EML6: variants seen among roughly 807,000 people sequenced by gnomAD.
The protein encoded by EML6 is echinoderm microtubule-associated protein-like 6.
Under a neutral mutation model 240.1 loss-of-function variants are expected in EML6, and 154 were observed. The ratio of observed to expected loss-of-function variants is 0.64; its 90% CI spans 0.56 to 0.73. EML6 has a LOEUF of 0.73. Among genes scored for constraint, EML6 ranks in the 30% least tolerant of loss-of-function variants. EML6 has a pLI of 0.00. For synonymous variants in EML6, 1,148 were observed against 899.0 expected, an observed-to-expected ratio of 1.28 and a Z score of -4.95; for missense variants, 2,964 against 2,474.6, an observed-to-expected ratio of 1.20 and a Z score of -4.20.
intron 25 of EML6, among the ~76,000 whole-genome samples, chr2:54,912,298 T>A (rs887662735): frequency 1.4e-4 from 21 of 152,362 alleles, no homozygotes; most frequent in African/African-American, 4.8e-4. Flanking sequence ...TCTTTTTAAC[T>A]TTTTTATATG....
chr2:54,856,830 G>T (rs1421107063), intron 11 of EML6, among the ~76,000 whole-genome samples: 2 of 152,172 alleles, frequency 1.3e-5, no homozygotes, highest in Non-Finnish European at 2.9e-5. Context: ...AGACTGTTTT[G>T]ATATTTTGTG....
chr2:54,744,136 G>A (rs187526553), intron 2 of EML6, among the ~76,000 whole-genome samples: 27 of 148,194 alleles, frequency 1.8e-4, no homozygotes, highest in Non-Finnish European at 3.3e-4. Flanking sequence ...GTTGTGGGGG[G>A]TGGGGGGAAT....
At chr2:54,767,713 A>G (rs1182207441) in intron 2 of EML6, among the ~76,000 whole-genome samples, 1 of 151,844 alleles carries the variant, frequency 6.6e-6, no homozygotes, top group African/African-American at 2.4e-5. Flanking sequence ...GGGTCTCATT[A>G]TATTGCCCAG....
chr2:54,789,676 T>C (rs1421476166), intron 2 of EML6, among the ~76,000 whole-genome samples: 1 of 152,214 alleles, frequency 6.6e-6, no homozygotes, highest in Non-Finnish European at 1.5e-5. Flanking sequence ...TTGGATGCTT[T>C]ACAAACTCTA....
At chr2:54,938,874 A>T (rs1401811846) in intron 28 of EML6, among the ~76,000 whole-genome samples, 3 of 151,992 alleles carry the variant, frequency 2.0e-5, no homozygotes, top group Non-Finnish European at 4.4e-5. Flanking sequence ...GTATTATCTC[A>T]TTTCTGTTGG....
intron 15 of EML6, among the ~76,000 whole-genome samples, chr2:54,871,033 C>T (rs1005199289): frequency 1.2e-4 from 19 of 152,116 alleles, no homozygotes; most frequent in African/African-American, 4.6e-4. Flanking sequence ...ATAGTTATGC[C>T]ATGAAAATGT....
intron 2 of EML6, among the ~76,000 whole-genome samples, chr2:54,783,859 C>T (rs945231473): frequency 6.6e-6 from 1 of 152,096 alleles, no homozygotes; most frequent in Non-Finnish European, 1.5e-5. Context: ...TCTATTTTCT[C>T]TCATGTTAAT....
chr2:54,889,143 T>C (rs78473484), intron 17 of EML6, among the ~76,000 whole-genome samples: 6 of 152,208 alleles, frequency 3.9e-5, no homozygotes, highest in African/African-American at 1.4e-4. Context: ...TTTTCTGTTT[T>C]GCCATTTGTC....
At chr2:54,855,662 A>T (rs1670336767) in intron 11 of EML6, among the ~76,000 whole-genome samples, 1 of 152,180 alleles carries the variant, frequency 6.6e-6, no homozygotes, top group Admixed American at 6.5e-5. Flanking sequence ...GTATGGTGAG[A>T]AGTAGCAAAA....
chr2:54,969,692 T>G (rs189350405), intron 41 of EML6, among the ~76,000 whole-genome samples: 3 of 152,234 alleles, frequency 2.0e-5, no homozygotes, highest in Non-Finnish European at 4.4e-5. Context: ...TTTGTAGGCA[T>G]GGGAGCATGC....
At chr2:54,938,917 C>G (rs1675287269) in intron 28 of EML6, among the ~76,000 whole-genome samples, 1 of 152,184 alleles carries the variant, frequency 6.6e-6, no homozygotes, top group Non-Finnish European at 1.5e-5. Context: ...AAGAACTGAA[C>G]AATCACAGGC....
At chr2:54,742,518 G>A (rs959857702) in intron 2 of EML6, among the ~76,000 whole-genome samples, 4 of 152,108 alleles carry the variant, frequency 2.6e-5, no homozygotes, top group Non-Finnish European at 4.4e-5. Context: ...CATTTTCTCC[G>A]TCTCTTAAAC....
At chr2:54,831,717 T>C (rs1439741814) in intron 7 of EML6, among the ~76,000 whole-genome samples, 2 of 152,150 alleles carry the variant, frequency 1.3e-5, no homozygotes, top group Non-Finnish European at 1.5e-5. Context: ...CTGCATTTTG[T>C]AGGGAGAAAC....
intron 7 of EML6, among the ~76,000 whole-genome samples, chr2:54,829,921 CTT>C (rs1183189027): frequency 6.6e-6 from 1 of 152,176 alleles, no homozygotes; most frequent in Non-Finnish European, 1.5e-5. Flanking sequence ...GGTTCAAACT[CTT>C]TTTACCTATG....
chr2:54,953,878 C>G, intron 31 of EML6, 105 bp from the exon 32 acceptor site: 1 of 940,322 alleles, frequency 1.1e-6, no homozygotes, highest in Non-Finnish European at 1.5e-6. Context: ...CAGAGCAAGA[C>G]TCTGTCTAAA....
chr2:54,853,192 C>A (rs557932956), intron 10 of EML6, among the ~76,000 whole-genome samples: 31 of 152,004 alleles, frequency 2.0e-4, no homozygotes, highest in Non-Finnish European at 4.6e-4. Context: ...CCTGGCAAAG[C>A]GTTGGTGACT....
chr2:54,926,600 G>T (rs1001485261), intron 26 of EML6, among the ~76,000 whole-genome samples: 2 of 152,220 alleles, frequency 1.3e-5, no homozygotes, highest in Non-Finnish European at 2.9e-5. Context: ...ATACATCCCT[G>T]CCAGTGTCTT....
intron 28 of EML6, among the ~76,000 whole-genome samples, chr2:54,947,263 A>G (rs1473365797): frequency 1.3e-5 from 2 of 152,198 alleles, no homozygotes; most frequent in Non-Finnish European, 2.9e-5. Flanking sequence ...GGAAGCGATA[A>G]TTAATGTGAA....
intron 2 of EML6, among the ~76,000 whole-genome samples, chr2:54,787,625 A>T (rs1256595776): frequency 6.6e-6 from 1 of 152,248 alleles, no homozygotes; most frequent in Admixed American, 6.5e-5. Context: ...AATGATTAAT[A>T]AATGCTTATG....
Sources: allele counts gnomAD v4.1 joint callset (sites outside exome capture counted in the v4.1 genomes callset), GRCh38; gene constraint gnomAD v4.1.1; transcripts MANE v1.5; gene names NCBI Gene and HGNC (gene_info 2026-07-23, HGNC 2026-07-21).